Variants in PHF24 observed in about 807,000 individuals in gnomAD.
The protein encoded by PHF24 is PHD finger protein 24.
PHF24 carries 25 observed loss-of-function variants against 42.6 expected under a neutral mutation model. That is an observed-to-expected ratio of 0.59 (90% CI 0.43 to 0.82). PHF24 has a LOEUF of 0.82. Ranked by LOEUF, PHF24 falls within the 40% of genes least tolerant of loss-of-function variation. The pLI, the probability that PHF24 is intolerant of heterozygous loss-of-function variation, is 0.00. For missense variants in PHF24, 470 were observed against 538.1 expected, an observed-to-expected ratio of 0.87 and a Z score of 1.25; for synonymous variants, 185 against 204.8, an observed-to-expected ratio of 0.90 and a Z score of 0.83.
chr9:34,934,231 G>A, the PHF24 span, among the ~76,000 whole-genome samples: 1 of 152,126 alleles, frequency 6.6e-6, no homozygotes, highest in East Asian at 1.9e-4. Flanking sequence ...TTTCCAGAAG[G>A]CAGAAACAAA....
chr9:34,922,456 T>G, the PHF24 span: 3 of 1,364,482 alleles, frequency 2.2e-6, no homozygotes, highest in Non-Finnish European at 3.1e-6. Flanking sequence ...TCCTTTTTGC[T>G]GATTTCAAAA....
the PHF24 span, among the ~76,000 whole-genome samples, chr9:34,810,151 A>C: frequency 2.6e-5 from 4 of 151,736 alleles, no homozygotes; most frequent in Admixed American, 6.6e-5. Flanking sequence ...CCGGCCCCGG[A>C]CGGCCCCGGT....
the PHF24 span, among the ~76,000 whole-genome samples, chr9:34,766,557 C>A: frequency 6.6e-6 from 1 of 152,192 alleles, no homozygotes; most frequent in Non-Finnish European, 1.5e-5. Flanking sequence ...TCCATCAGCT[C>A]CTTTAAGCAC....
chr9:34,669,697 C>T, the PHF24 span, among the ~76,000 whole-genome samples: 23 of 152,054 alleles, frequency 1.5e-4, no homozygotes. Context: ...TCATTTTCTA[C>T]GTTCAGAAAC....
At chr9:34,835,141 G>T in the PHF24 span, 265 of 1,545,538 alleles carry the variant, frequency 1.7e-4, 1 homozygote, top group South Asian at 3.0e-3. Context: ...TTTGCTGACA[G>T]TGGTGTCTTT....
At chr9:34,936,048 A>G in the PHF24 span, among the ~76,000 whole-genome samples, 6 of 115,840 alleles carry the variant, frequency 5.2e-5, no homozygotes, top group Non-Finnish European at 1.1e-4. Flanking sequence ...TCCCGCTCCC[A>G]CCCCCTCTCC....
At chr9:34,914,485 T>C in the PHF24 span, among the ~76,000 whole-genome samples, 1 of 152,194 alleles carries the variant, frequency 6.6e-6, no homozygotes, top group Non-Finnish European at 1.5e-5. Flanking sequence ...TTTCGTCCTT[T>C]GGTCTCTATA....
the PHF24 span, among the ~76,000 whole-genome samples, chr9:34,887,693 T>C: frequency 2.0e-5 from 3 of 152,196 alleles, no homozygotes; most frequent in African/African-American, 7.2e-5. Context: ...GTATCCCTTT[T>C]GAAGTCTTCT....
the PHF24 span, among the ~76,000 whole-genome samples, chr9:34,814,098 T>C: frequency 6.6e-6 from 1 of 152,204 alleles, no homozygotes; most frequent in Non-Finnish European, 1.5e-5. Context: ...TTTTCTTCCT[T>C]AATAAGGAAA....
chr9:34,677,423 G>T, the PHF24 span, among the ~76,000 whole-genome samples: 11 of 104,102 alleles, frequency 1.1e-4, no homozygotes, highest in African/African-American at 4.0e-4. Context: ...TTGAGATGGA[G>T]TCTCGCTCTG....
the PHF24 span, among the ~76,000 whole-genome samples, chr9:34,925,997 C>G: frequency 6.6e-6 from 1 of 152,030 alleles, no homozygotes; most frequent in South Asian, 2.1e-4. Flanking sequence ...GTGTACTGGC[C>G]TTGGTTTTAG....
the PHF24 span, among the ~76,000 whole-genome samples, chr9:34,750,660 G>T: frequency 1.3e-5 from 2 of 151,874 alleles, no homozygotes; most frequent in Admixed American, 6.6e-5. Context: ...GATATTATTT[G>T]CAAGTCTCAT....
At chr9:34,704,588 C>A in the PHF24 span, among the ~76,000 whole-genome samples, 1 of 152,054 alleles carries the variant, frequency 6.6e-6, no homozygotes, top group African/African-American at 2.4e-5. Flanking sequence ...AATCCCAGCA[C>A]TTTGGGAGGC....
chr9:34,838,343 G>A, the PHF24 span: 1 of 776,246 alleles, frequency 1.3e-6, no homozygotes, highest in Non-Finnish European at 2.3e-6. Flanking sequence ...TCATAGTGTT[G>A]CCCTACCCAG....
intron 7 of PHF24, 92 bp from the exon 8 acceptor site, chr9:34,977,922 CA>C: frequency 9.8e-7 from 1 of 1,023,562 alleles, no homozygotes; most frequent in Non-Finnish European, 1.5e-6. Context: ...CACGCGTCTT[CA>C]AACCAGCCTC....
chr9:34,806,150 G>T, the PHF24 span, among the ~76,000 whole-genome samples: 1 of 151,998 alleles, frequency 6.6e-6, no homozygotes, highest in Non-Finnish European at 1.5e-5. Context: ...ATTGGGAAAT[G>T]TGAGTCCTCT....
chr9:34,974,738 CCT>C (rs964196240), intron 3 of PHF24, among the ~76,000 whole-genome samples: 1 of 152,128 alleles, frequency 6.6e-6, no homozygotes, highest in Admixed American at 6.5e-5. Context: ...ACCTAAATTT[CCT>C]GTCTCTTGCA....
the PHF24 span, chr9:34,723,814 T>C: frequency 6.4e-7 from 1 of 1,551,728 alleles, no homozygotes. Context: ...TTAGCTTGGT[T>C]TGACTGTCTT....
At chr9:34,922,772 A>G in the PHF24 span, 2 of 1,592,408 alleles carry the variant, frequency 1.3e-6, no homozygotes, top group Non-Finnish European at 1.7e-6. Context: ...CTCCTACAAC[A>G]TTTTTATAAG....
Sources: allele counts gnomAD v4.1 joint callset (sites outside exome capture counted in the v4.1 genomes callset), GRCh38; gene constraint gnomAD v4.1.1; transcripts MANE v1.5; gene names NCBI Gene and HGNC (gene_info 2026-07-23, HGNC 2026-07-21).